The following TRPC1 variants were observed in gnomAD, a reference collection of about 807,000 sequenced individuals.
TRPC1 encodes the protein short transient receptor potential channel 1.
TRPC1 carries 42 observed loss-of-function variants against 88.2 expected under a neutral mutation model. That is an observed-to-expected ratio of 0.48 (90% CI 0.37 to 0.62). The LOEUF (loss-of-function observed/expected upper bound fraction) is 0.62. Ranked by LOEUF, TRPC1 falls within the 20% of genes least tolerant of loss-of-function variation. The pLI is 0.00. For synonymous variants in TRPC1, 288 were observed against 331.8 expected (o/e 0.87, Z 1.43); for missense variants, 699 against 957.3 (o/e 0.73, Z 3.56).
intron 6 of TRPC1, among the ~76,000 whole-genome samples, chr3:142,782,607 A>C (rs926924399): frequency 6.6e-6 from 1 of 152,196 alleles, no homozygotes; most frequent in African/African-American, 2.4e-5. Flanking sequence ...CTGGGAACTC[A>C]TCTGGAGATA....
At chr3:142,762,401 G>T (rs1053586721) in intron 4 of TRPC1, among the ~76,000 whole-genome samples, 16 of 144,318 alleles carry the variant, frequency 1.1e-4, no homozygotes, top group African/African-American at 4.1e-4. Context: ...CTCTTCTTCT[G>T]CTAATTTTCG....
chr3:142,727,054 G>T (rs936185067), intron 1 of TRPC1, among the ~76,000 whole-genome samples: 1 of 152,192 alleles, frequency 6.6e-6, no homozygotes, highest in Non-Finnish European at 1.5e-5. Context: ...ACGTTATATA[G>T]ATCTGGTTGT....
At chr3:142,771,109 C>G (rs1935561395) in intron 4 of TRPC1, among the ~76,000 whole-genome samples, 1 of 152,170 alleles carries the variant, frequency 6.6e-6, no homozygotes, top group Non-Finnish European at 1.5e-5. Flanking sequence ...AGGATGGCAC[C>G]AAGCTGATCA....
chr3:142,744,654 AT>A (rs1329188267), intron 3 of TRPC1, among the ~76,000 whole-genome samples: 1 of 152,208 alleles, frequency 6.6e-6, no homozygotes, highest in African/African-American at 2.4e-5. Flanking sequence ...ACGGTTAAAA[AT>A]ATGCGTAGAA....
intron 12 of TRPC1, among the ~76,000 whole-genome samples, chr3:142,805,129 T>TACACACACAC (rs71153991): frequency 4.2e-5 from 4 of 95,318 alleles, no homozygotes; most frequent in South Asian, 5.8e-4. Flanking sequence ...AATATATATA[T>TACACACACAC]ACACACACAC....
Position 142,802,278 on chromosome 3 carries a change from C to T in TRPC1, c.1691C>T (p.Thr564Ile), listed in dbSNP as rs557560974. 6.3e-7 allele frequency: 1 copy of T among 1,598,392 alleles called. No homozygotes were observed. The highest frequency in any genetic ancestry group is 1.1e-5 in the South Asian group (1 of 87,400). Reference protein sequence around the residue: ...GLTQLYDKGYTSKEQKDCVGI... With the variant: ...GLTQLYDKGYISKEQKDCVGI... ...ACACAACTGTATGATAAAGGATATA[C>T]TTCAAAGGAGCAGAAGGACTGTGTA... Residue 564 changes from threonine (T) to isoleucine (I), a missense_variant, in exon 10 of 13, where the codon ACT (threonine) becomes ATT (isoleucine). Physicochemically the swap from Thr to Ile is moderately conservative, Grantham distance 89. Transcript: ENST00000476941.
At chr3:142,745,740 A>G (rs374463024) in intron 3 of TRPC1, among the ~76,000 whole-genome samples, 6 of 152,120 alleles carry the variant, frequency 3.9e-5, no homozygotes, top group African/African-American at 1.4e-4. Flanking sequence ...CAGCAAGATC[A>G]TACCTTCTTT....
chr3:142,740,576 AAG>A (rs1251643688), intron 2 of TRPC1, among the ~76,000 whole-genome samples: 2 of 152,246 alleles, frequency 1.3e-5, no homozygotes, highest in Admixed American at 1.3e-4. Flanking sequence ...ATTACATGGA[AAG>A]AGTTTCATTA....
chr3:142,747,169 T>A (rs1934586253), intron 3 of TRPC1, among the ~76,000 whole-genome samples: 1 of 152,170 alleles, frequency 6.6e-6, no homozygotes, highest in Non-Finnish European at 1.5e-5. Context: ...ACCTACTGTT[T>A]ATGCCAAAGA....
chr3:142,777,795 T>C lies in TRPC1; in HGVS notation c.764+32T>C, dbSNP rs143482128. The C allele has an allele frequency of 4.4e-6, 7 of 1,583,286 alleles. No homozygotes were observed. The African/African-American group carries it at 6.8e-5, about 15-fold the overall frequency. On this transcript the variant is annotated intron_variant, in intron 5 of 12. Coordinates refer to ENST00000476941, the MANE Select transcript of TRPC1 (RefSeq NM_001251845.2). ...ATGAATGCAAATTATATAATGTATT[T>C]TGTTTTAAATCTTCAACCTCAGTTT... is the stretch of plus-strand genomic sequence containing the variant.
Position 142,767,711 on chromosome 3 carries a change from G to C in TRPC1, c.633-9921G>C, listed in dbSNP as rs79404242. 6.6e-6 allele frequency among the ~76,000 whole-genome samples: 1 copy of C among 151,296 alleles called. No individual in the cohort carries two copies. Among genetic ancestry groups the C allele is most frequent in the African/African-American group, 2.4e-5 (1 of 41,278 alleles). On this transcript the variant is annotated intron_variant, in intron 4 of 12. Coordinates refer to ENST00000476941, the MANE Select transcript of TRPC1 (RefSeq NM_001251845.2). This position sits in a 1 kb window ranked among gnomAD's most constrained non-coding sequence, Gnocchi z 5.1. ...TCAAAAAGAAACCCTATATTCATTA[G>C]CAGTCACTCTCCCAGCTGGTGGCAA...
Position 142,743,526 on chromosome 3 carries a change from G to T in TRPC1, c.369G>T (p.Val123=). Residue 123 remains valine (V), a synonymous_variant, in exon 3 of 13, where the codon GTG becomes GTT. Transcript: ENST00000476941. ...ALLVAIDSEV[V]GAVDILLNHR... ...TGGTGGCAATCGACTCTGAAGTAGT[G>T]GGAGCTGTTGATATACTACTTAATC... The T allele has an allele frequency of 6.6e-7, 1 of 1,525,180 alleles. No individual in the cohort carries two copies. The highest frequency in any genetic ancestry group is 2.5e-5 in the East Asian group (1 of 40,446). The allele number at this position is 1,525,180 out of a possible 1,614,324, so 94.5% of individuals were successfully genotyped here.
intron 9 of TRPC1, chr3:142,793,973 C>T: frequency 1.2e-6 from 1 of 839,014 alleles, no homozygotes; most frequent in Non-Finnish European, 1.4e-6. Context: ...AAGTTTGGGA[C>T]ACACTGTATA....
chr3:142,766,534 A>T (rs1935397477), intron 4 of TRPC1, among the ~76,000 whole-genome samples: 1 of 151,648 alleles, frequency 6.6e-6, no homozygotes, highest in East Asian at 1.9e-4. Context: ...CTGGGTAGAT[A>T]GGACTACAGG....
At chr3:142,780,779 G>A in intron 5 of TRPC1, 55 bp from the exon 6 acceptor site, 1 of 1,501,826 alleles carries the variant, frequency 6.7e-7, no homozygotes. Flanking sequence ...AGTGAATATA[G>A]CTTAATTAGA....
In TRPC1 at chr3:142,804,630, G is replaced by A. The variant is rs1463112871; in HGVS notation, c.2154G>A (p.Lys718=). 6.3e-7 allele frequency: 1 copy of A among 1,587,564 alleles called. No homozygotes were observed. The highest frequency in any genetic ancestry group is 8.5e-7 in the Non-Finnish European group (1 of 1,171,370). ...KGKVKRQNSL[K]EWRNLKQKRD... ...AGGTCAAACGGCAAAACAGTTTAAA[G>A]GTAAGAAATTAGAAGCTTGAATGGC... The change falls in exon 12 of 13, where the codon AAG becomes AAA. Residue 718 remains lysine (K), a splice_region_variant and synonymous_variant. Transcript: ENST00000476941.
chr3:142,727,294 CTTG>C (rs925049227), intron 1 of TRPC1, among the ~76,000 whole-genome samples: 1 of 150,290 alleles, frequency 6.7e-6, no homozygotes, highest in Non-Finnish European at 1.5e-5. Context: ...ATGTAGCATT[CTTG>C]TTGTACATAT....
intron 2 of TRPC1, among the ~76,000 whole-genome samples, 188 bp from the exon 3 acceptor site, chr3:142,743,297 G>A (rs1231823273): frequency 8.2e-6 from 1 of 121,688 alleles, no homozygotes; most frequent in Admixed American, 8.1e-5. Flanking sequence ...CGTGTGTATT[G>A]TGGTACACAG....
At chr3:142,747,778 C>T (rs1577957631) in intron 3 of TRPC1, among the ~76,000 whole-genome samples, 1 of 152,116 alleles carries the variant, frequency 6.6e-6, no homozygotes, top group East Asian at 1.9e-4. Context: ...TCCTATTGCC[C>T]TTTTCAAGTA....
Sources: gnomAD v4.1 joint callset for allele counts (sites outside exome capture counted in the v4.1 genomes callset) on GRCh38, gnomAD v4.1.1 for gene constraint, Gnocchi (gnomAD v3.1) non-coding constraint, MANE v1.5 for transcripts, NCBI Gene and HGNC (gene_info 2026-07-23, HGNC 2026-07-21) for gene names.